Variants in SRPK1 observed in about 807,000 individuals in gnomAD.
The protein encoded by SRPK1 is SRSF protein kinase 1.
In SRPK1, 52 loss-of-function variants were observed where a neutral mutation model predicts 89.5. That is an observed-to-expected ratio of 0.58 (90% CI 0.46 to 0.73). The LOEUF (loss-of-function observed/expected upper bound fraction) is 0.73. Ranked by LOEUF, SRPK1 falls within the 30% of genes least tolerant of loss-of-function variation. SRPK1 has a pLI of 0.00. For synonymous variants in SRPK1, 255 were observed against 270.2 expected (o/e 0.94, Z 0.55); for missense variants, 603 against 780.6 (o/e 0.77, Z 2.71).
chr6:35,859,850 A>G (rs986036000), intron 12 of SRPK1, among the ~76,000 whole-genome samples: 2 of 151,904 alleles, frequency 1.3e-5, no homozygotes, highest in Non-Finnish European at 2.9e-5. Flanking sequence ...AATGGCTGAA[A>G]AGAACGTAGT....
chr6:35,907,283 A>G (rs1359287404), intron 2 of SRPK1, among the ~76,000 whole-genome samples: 1 of 152,216 alleles, frequency 6.6e-6, no homozygotes, highest in Non-Finnish European at 1.5e-5. Flanking sequence ...TTGAACACAG[A>G]TTGAATACTT....
At chr6:35,850,651 A>G (rs1769533405) in intron 13 of SRPK1, among the ~76,000 whole-genome samples, 1 of 144,614 alleles carries the variant, frequency 6.9e-6, no homozygotes, top group South Asian at 2.4e-4. Context: ...GAATTGCCGA[A>G]GAACTTTTCC....
chr6:35,856,359 C>T (rs1373316091), intron 13 of SRPK1, among the ~76,000 whole-genome samples: 2 of 152,132 alleles, frequency 1.3e-5, no homozygotes, highest in Non-Finnish European at 2.9e-5. Flanking sequence ...AAAACTATAG[C>T]AAGCTTAGCA....
intron 2 of SRPK1, among the ~76,000 whole-genome samples, chr6:35,909,906 C>T (rs1271862824): frequency 1.3e-5 from 2 of 152,188 alleles, no homozygotes; most frequent in African/African-American, 2.4e-5. Context: ...GTCAATTAAA[C>T]CTCTTTCCTT....
At chr6:35,882,040 G>C (rs1444495910) in intron 6 of SRPK1, among the ~76,000 whole-genome samples, 1 of 145,862 alleles carries the variant, frequency 6.9e-6, no homozygotes. Context: ...AGAGGAAGAA[G>C]AACAAGAACA....
chr6:35,842,502 C>A, intron 14 of SRPK1, 33 bp downstream of exon 14: 1 of 1,553,734 alleles, frequency 6.4e-7, no homozygotes. Flanking sequence ...GTGTAAATAC[C>A]ACGCACACAC....
intron 13 of SRPK1, among the ~76,000 whole-genome samples, chr6:35,848,130 A>C (rs1234241439): frequency 6.6e-6 from 1 of 152,218 alleles, no homozygotes; most frequent in African/African-American, 2.4e-5. Context: ...CGTACTACTC[A>C]AAGTGATCTA....
At chr6:35,909,532 T>C (rs978519383) in intron 2 of SRPK1, among the ~76,000 whole-genome samples, 4 of 152,180 alleles carry the variant, frequency 2.6e-5, no homozygotes, top group Non-Finnish European at 5.9e-5. Context: ...CTTTGGGGGA[T>C]AGTTGGGAAG....
intron 12 of SRPK1, among the ~76,000 whole-genome samples, chr6:35,864,202 G>T (rs1769845936): frequency 6.6e-6 from 1 of 152,076 alleles, no homozygotes; most frequent in Non-Finnish European, 1.5e-5. Context: ...GGGATCACAT[G>T]AAGTTAAACA....
chr6:35,899,035 C>T (rs959996225), intron 2 of SRPK1, among the ~76,000 whole-genome samples: 2 of 152,104 alleles, frequency 1.3e-5, no homozygotes, highest in African/African-American at 4.8e-5. Flanking sequence ...GTGGCGCGTG[C>T]CTGTAGTACC....
intron 11 of SRPK1, 129 bp downstream of exon 11, chr6:35,869,353 A>G: frequency 8.6e-7 from 1 of 1,167,202 alleles, no homozygotes; most frequent in South Asian, 1.5e-5. Context: ...TACAGATTAC[A>G]ATTTAAACGT....
chr6:35,911,230 A>C (rs560657534), intron 2 of SRPK1, among the ~76,000 whole-genome samples: 1 of 152,326 alleles, frequency 6.6e-6, no homozygotes, highest in East Asian at 1.9e-4. Flanking sequence ...CATTAACAGG[A>C]GTTTGGAAGA....
chr6:35,920,498 G>A lies in SRPK1; in HGVS notation c.44C>T (p.Thr15Ile). The A allele has an allele frequency of 6.2e-7, 1 of 1,613,452 alleles. No homozygotes were observed. The highest frequency in any genetic ancestry group is 8.5e-7 in the Non-Finnish European group (1 of 1,179,536). ...TTGGGCTTTGTCCTTCTTGGCCTTGGTCCTTTTCTTTCGGGCCTGGAGCGC... is the reference window on the plus strand; with the variant it reads ...TTGGGCTTTGTCCTTCTTGGCCTTGATCCTTTTCTTTCGGGCCTGGAGCGC... ...VLALQARKKRTKAKKDKAQRK... is the reference protein window; with the variant it reads ...VLALQARKKRIKAKKDKAQRK... The change falls in exon 2 of 16, where the codon ACC becomes ATC. Residue 15 changes from threonine to isoleucine, a missense_variant. By Grantham distance (89) the Thr-to-Ile change is moderately conservative. Transcript: ENST00000373825.
At position 35,869,257 on chromosome 6, in the gene SRPK1, G is replaced by C; in HGVS notation, c.1412-147C>G. The C allele has an allele frequency of 9.2e-6, 8 of 865,504 alleles. No individual in the cohort carries two copies. In the South Asian group the frequency reaches 1.3e-4, roughly 14 times the overall value. The allele number at this position is 865,504 out of a possible 1,614,324, so 53.6% of individuals were successfully genotyped here. ...TCTGAGACAAAAAGAGCACAGCAACGCCTTGAGTTTCCAGAATTAAAAACC... is the reference window on the plus strand; with the variant it reads ...TCTGAGACAAAAAGAGCACAGCAACCCCTTGAGTTTCCAGAATTAAAAACC... On this transcript the variant is annotated intron_variant, in intron 11 of 15. Coordinates refer to ENST00000373825, the MANE Select transcript of SRPK1 (RefSeq NM_003137.5).
chr6:35,856,972 C>T, intron 13 of SRPK1: 2 of 298,130 alleles, frequency 6.7e-6, no homozygotes, highest in Non-Finnish European at 1.2e-5. Flanking sequence ...ATCTCCTAAT[C>T]AAAACCAACA....
At chr6:35,877,837 C>A (rs9462142) in intron 6 of SRPK1, among the ~76,000 whole-genome samples, 57 of 136,200 alleles carry the variant, frequency 4.2e-4, no homozygotes, top group African/African-American at 1.6e-3. Context: ...CCACTGACTC[C>A]GTCTCAAAAA....
At chr6:35,905,140 C>A (rs1325932884) in intron 2 of SRPK1, among the ~76,000 whole-genome samples, 2 of 152,134 alleles carry the variant, frequency 1.3e-5, no homozygotes, top group Non-Finnish European at 2.9e-5. Flanking sequence ...GAGACCTTAT[C>A]TCAAATAAAG....
At chr6:35,914,728 T>C (rs1771051091) in intron 2 of SRPK1, among the ~76,000 whole-genome samples, 1 of 152,170 alleles carries the variant, frequency 6.6e-6, no homozygotes, top group Non-Finnish European at 1.5e-5. Flanking sequence ...ATCCCGAATA[T>C]GGAAAACAAT....
At chr6:35,864,656 A>G (rs1769855920) in intron 12 of SRPK1, among the ~76,000 whole-genome samples, 1 of 152,224 alleles carries the variant, frequency 6.6e-6, no homozygotes, top group Non-Finnish European at 1.5e-5. Context: ...AGAAAACTAG[A>G]GCTACCATAT....
Sources: gnomAD v4.1 joint callset for allele counts (sites outside exome capture counted in the v4.1 genomes callset) on GRCh38, gnomAD v4.1.1 for gene constraint, MANE v1.5 for transcripts, NCBI Gene and HGNC (gene_info 2026-07-23, HGNC 2026-07-21) for gene names.